USP30: variants seen among roughly 807,000 people sequenced by gnomAD.
The protein encoded by USP30 is ubiquitin carboxyl-terminal hydrolase 30.
In USP30, 41 loss-of-function variants were observed where a neutral mutation model predicts 68.2. That is an observed-to-expected ratio of 0.60 (90% CI 0.47 to 0.78). The LOEUF is 0.78. Among genes scored for constraint, USP30 ranks in the 30% least tolerant of loss-of-function variants. The probability of loss-of-function intolerance (pLI) is 0.00; values close to 1 mark genes in which losing one functional copy is unlikely to be tolerated. For synonymous variants in USP30, 229 were observed against 253.7 expected (o/e 0.90, Z 0.93); for missense variants, 522 against 649.4 (o/e 0.80, Z 2.13).
intron 7 of USP30, among the ~76,000 whole-genome samples, chr12:109,080,342 G>A (rs1167538474): frequency 1.3e-5 from 2 of 152,066 alleles, no homozygotes; most frequent in African/African-American, 4.8e-5. Flanking sequence ...CACAAATCTC[G>A]CCCACAGAGT....
Position 109,082,911 on chromosome 12 carries a change from G to T in USP30, c.1017G>T (p.Arg339=). Residue 339 remains arginine (R), a synonymous_variant, in exon 11 of 13, where the codon CGG becomes CGT. Coordinates refer to ENST00000257548, the MANE Select transcript of USP30 (RefSeq NM_032663.5). ...SWSSHGTPLK[R]HEHVQFNEFL... ...CCAGCCACGGCACGCCTCTGAAGCG[G>T]CATGAGCACGTGCAGTTCAATGAGT... 5 of 1,614,244 alleles carry T rather than the reference G, an allele frequency of 3.1e-6. No individual in the cohort carries two copies. Among genetic ancestry groups the T allele is most frequent in the Non-Finnish European group, 4.2e-6 (5 of 1,180,048 alleles).
chr12:109,058,136 T>TA (rs1281131149), intron 3 of USP30, 28 bp downstream of exon 3: 1 of 1,572,834 alleles, frequency 6.4e-7, no homozygotes, highest in African/African-American at 1.4e-5. Flanking sequence ...TCAAGGGAAT[T>TA]ATGTACCTTT....
chr12:109,060,728 C>A (rs980706767), intron 3 of USP30, among the ~76,000 whole-genome samples: 11 of 152,000 alleles, frequency 7.2e-5, no homozygotes, highest in Non-Finnish European at 1.5e-4. Flanking sequence ...GATCTCGGCT[C>A]ACTGCAACCT....
At chr12:109,043,948 T>C (rs1324444469) in intron 3 of USP30, among the ~76,000 whole-genome samples, 4 of 152,164 alleles carry the variant, frequency 2.6e-5, no homozygotes, top group Admixed American at 2.0e-4. Flanking sequence ...TCACAATAGC[T>C]AAAACATAGG....
Position 109,038,069 on chromosome 12 carries a change from T to C in USP30, c.-135-9521T>C, listed in dbSNP as rs76940465. 3.5e-3 allele frequency among the ~76,000 whole-genome samples: 530 copies of C among 152,214 alleles called. 3 individuals carry two copies. The highest frequency in any genetic ancestry group is 0.012 in the African/African-American group (499 of 41,520). Reference sequence around the variant, plus strand: ...GTGCAGGATATGCAGGTTTGTTACATAGGTAAGTGTGCCATGGTGGTTTGC... The same window carrying C: ...GTGCAGGATATGCAGGTTTGTTACACAGGTAAGTGTGCCATGGTGGTTTGC... On this transcript the variant is annotated intron_variant, in intron 3 of 15. Transcript: ENST00000392784.
rs181014463 is a variant in USP30 at position 109,076,794 on chromosome 12, T to C, written c.720+3262T>C. On this transcript the variant is annotated intron_variant, in intron 7 of 12. Coordinates refer to ENST00000257548, the MANE Select transcript of USP30 (RefSeq NM_032663.5). ...TCGCCCAGGCTGGAGTGCAGTGGCG[T>C]GATCTCGGCTCACTGCAAGCTCCAC... is the stretch of plus-strand genomic sequence containing the variant. Among the ~76,000 whole-genome samples, 25 of 147,748 alleles carry C rather than the reference T, an allele frequency of 1.7e-4. No individual in the cohort carries two copies. In the East Asian group the frequency reaches 4.0e-3, roughly 24 times the overall value.
At chr12:109,060,637 T>C (rs1227603677) in intron 3 of USP30, among the ~76,000 whole-genome samples, 1 of 152,104 alleles carries the variant, frequency 6.6e-6, no homozygotes, top group Admixed American at 6.6e-5. Context: ...AATGCGAAAA[T>C]AGAAAAACTG....
rs184409130 is a variant in USP30 at position 109,028,622 on chromosome 12, C to T, written c.-136+1066C>T. On this transcript the variant is annotated intron_variant, in intron 3 of 15. Coordinates refer to the USP30 transcript ENST00000392784. ...CCTTCTGAGTAGCTGAGATTACAGG[C>T]GTGTGCCAACACGCCTGGCTAATTT... Among the ~76,000 whole-genome samples, 194 of 152,174 alleles carry T rather than the reference C, an allele frequency of 1.3e-3. 3 individuals are homozygous for T. The South Asian group carries it at 0.021, about 16-fold the overall frequency.
Position 109,081,626 on chromosome 12 carries a change from CACA to C in USP30, c.780+234_780+236del. The C allele has an allele frequency of 5.5e-5, 6 of 110,022 alleles. No homozygotes were observed. In the East Asian group the frequency reaches 1.1e-3, roughly 20 times the overall value. The allele number at this position is 110,022 out of a possible 1,614,324, so 6.8% of individuals were successfully genotyped here. ...GAATACACACGCACGCATGCGCGCA[CACA>C]CACACACACACACACACACACACAC... is the stretch of plus-strand genomic sequence containing the variant. On this transcript the variant is annotated intron_variant, in intron 8 of 12. Coordinates refer to ENST00000257548, the MANE Select transcript of USP30 (RefSeq NM_032663.5).
chr12:109,085,572 T>G, intron 12 of USP30, 95 bp from the exon 13 acceptor site: 2 of 1,455,242 alleles, frequency 1.4e-6, no homozygotes, highest in Non-Finnish European at 1.9e-6. Context: ...TACCATTGTA[T>G]TCATCCCCTA....
chr12:109,029,365 G>A (rs1014989418), intron 3 of USP30, among the ~76,000 whole-genome samples: 4 of 152,200 alleles, frequency 2.6e-5, no homozygotes, highest in Admixed American at 6.5e-5. Flanking sequence ...AAGGGTTCAG[G>A]GCAGGAGAGC....
intron 3 of USP30, among the ~76,000 whole-genome samples, chr12:109,045,711 G>A (rs1451491746): frequency 1.3e-5 from 2 of 152,168 alleles, no homozygotes; most frequent in African/African-American, 4.8e-5. Flanking sequence ...GGTCTTGTCG[G>A]TAACAAGTTT....
intron 3 of USP30, among the ~76,000 whole-genome samples, chr12:109,062,991 T>C (rs1288741344): frequency 6.6e-6 from 1 of 152,224 alleles, no homozygotes; most frequent in Non-Finnish European, 1.5e-5. Context: ...AGCGGACTCA[T>C]ATAATATTCA....
chr12:109,080,103 T>G (rs1408481057), intron 7 of USP30, among the ~76,000 whole-genome samples: 3 of 152,216 alleles, frequency 2.0e-5, no homozygotes, highest in Non-Finnish European at 1.5e-5. Flanking sequence ...CCAGGCTCCC[T>G]GGAGTTTCCC....
At chr12:109,025,955 C>A (rs926077721) in intron 2 of USP30, among the ~76,000 whole-genome samples, 17 of 151,888 alleles carry the variant, frequency 1.1e-4, no homozygotes, top group African/African-American at 4.1e-4. Context: ...AAGGTGCTGG[C>A]ATTACAGGTG....
intron 1 of USP30, 82 bp from the exon 2 acceptor site, chr12:109,056,600 C>A (rs1438783537): frequency 1.0e-6 from 1 of 962,864 alleles, no homozygotes; most frequent in Non-Finnish European, 1.5e-6. Context: ...GTTATTTTGA[C>A]AAAATGTTAT....
At position 109,072,356 on chromosome 12, in the gene USP30, T is replaced by G. The variant is rs2041472200; in HGVS notation, c.625+6T>G. 2 of 1,612,682 alleles carry G rather than the reference T, an allele frequency of 1.2e-6. No homozygotes were observed. Among genetic ancestry groups the G allele is most frequent in the East Asian group, 4.5e-5 (2 of 44,864 alleles). On this transcript the variant is annotated splice_donor_region_variant and intron_variant, in intron 6 of 12. Transcript: ENST00000257548. ...AATTACCTGCCGCACAAGAGGTAGC[T>G]GTTTTCCATTGAAATATAACACATA...
At chr12:109,035,904 T>G (rs1252020667) in intron 3 of USP30, among the ~76,000 whole-genome samples, 2 of 152,200 alleles carry the variant, frequency 1.3e-5, no homozygotes, top group Non-Finnish European at 2.9e-5. Flanking sequence ...GACTTATGTC[T>G]GTAATCCTAG....
intron 3 of USP30, among the ~76,000 whole-genome samples, chr12:109,062,328 C>CTTTTTTT (rs773303115): frequency 4.9e-5 from 5 of 103,068 alleles, no homozygotes; most frequent in Admixed American, 1.1e-4. Flanking sequence ...ACCTCCTTCA[C>CTTTTTTT]TTTTTTTTTT....
Sources: allele counts gnomAD v4.1 joint callset (sites outside exome capture counted in the v4.1 genomes callset), GRCh38; gene constraint gnomAD v4.1.1; transcripts MANE v1.5; gene names NCBI Gene and HGNC (gene_info 2026-07-23, HGNC 2026-07-21).